KDM2A: variants seen among roughly 807,000 people sequenced by gnomAD.
KDM2A encodes the protein lysine demethylase 2A.
A neutral mutation model predicts 137.3 loss-of-function variants in KDM2A; 3 were observed. That is an observed-to-expected ratio of 0.02 (90% CI 0.01 to 0.06). KDM2A has a LOEUF of 0.06. KDM2A is among the 10% of genes least tolerant of loss of function. KDM2A has a pLI of 1.00. For synonymous variants in KDM2A, 512 were observed against 541.5 expected (o/e 0.95, Z 0.76); for missense variants, 738 against 1,510.6 (o/e 0.49, Z 8.48).
At chr11:67,133,554 C>T (rs2136285734) in intron 2 of KDM2A, among the ~76,000 whole-genome samples, 1 of 152,216 alleles carries the variant, frequency 6.6e-6, no homozygotes, top group South Asian at 2.1e-4. Context: ...AGGCTCCCAC[C>T]ACCACGCCCG....
Position 67,254,272 on chromosome 11 carries a change from C to G in KDM2A, c.3161C>G (p.Ala1054Gly). The G allele has an allele frequency of 1.9e-6, 3 of 1,614,034 alleles. No individual in the cohort carries two copies. Among genetic ancestry groups the G allele is most frequent in the Non-Finnish European group, 2.5e-6 (3 of 1,179,898 alleles). The change falls in exon 20 of 21, where the codon GCC (alanine) becomes GGC (glycine). Residue 1054 changes from alanine to glycine, a missense_variant. Coordinates refer to ENST00000529006, the MANE Select transcript of KDM2A (RefSeq NM_012308.3). The surrounding 1 kb of genome is among the most constrained non-coding windows in gnomAD (Gnocchi z 4.7). The part of the protein sequence containing the change: ...FRLAGLDITD[A>G]TLRLIIRHMP... ...CTGGCAGGCCTTGACATCACAGATG[C>G]CACGCTTCGCCTCATAATTCGCCAC...
intron 2 of KDM2A, among the ~76,000 whole-genome samples, chr11:67,141,427 G>A (rs1375502340): frequency 6.6e-6 from 1 of 151,726 alleles, no homozygotes; most frequent in East Asian, 1.9e-4. Context: ...AGCACTTTGG[G>A]AGGCCAAGGC....
intron 2 of KDM2A, among the ~76,000 whole-genome samples, chr11:67,164,595 G>A (rs1236445026): frequency 1.3e-5 from 2 of 151,682 alleles, no homozygotes; most frequent in African/African-American, 2.4e-5. Flanking sequence ...AGGATTACAG[G>A]CATGAGCCAT....
chr11:67,175,482 C>A (rs1856956783), intron 2 of KDM2A, among the ~76,000 whole-genome samples: 1 of 152,174 alleles, frequency 6.6e-6, no homozygotes, highest in Admixed American at 6.5e-5. Flanking sequence ...TGCCAACTTT[C>A]CAGTTGCAAT....
intron 2 of KDM2A, among the ~76,000 whole-genome samples, chr11:67,153,577 G>A (rs1266209254): frequency 2.0e-5 from 3 of 152,104 alleles, no homozygotes; most frequent in Non-Finnish European, 4.4e-5. Context: ...GTGGTGCAGG[G>A]TCTCATGTTC....
In KDM2A at chr11:67,195,915, T is replaced by G. The variant is rs1008072655; in HGVS notation, c.308-11595T>G. On this transcript the variant is annotated intron_variant, in intron 5 of 20. Transcript: ENST00000529006. ...CAATAGGCTCCAATAAGGAATAATT[T>G]TTCTACCACTTACAGCAACTTTCTT... 5.8e-5 allele frequency: 23 copies of G among 397,060 alleles called. No individual in the cohort carries two copies. The Admixed American group carries it at 6.9e-4, about 12-fold the overall frequency. 24.6% of individuals were successfully genotyped at this position (397,060 alleles called of 1,614,324 possible).
At chr11:67,189,407 G>A (rs1266883342) in intron 5 of KDM2A, among the ~76,000 whole-genome samples, 3 of 152,334 alleles carry the variant, frequency 2.0e-5, no homozygotes, top group Admixed American at 1.3e-4. Flanking sequence ...GGAGAAATTT[G>A]TAGCTATAAA....
In KDM2A at chr11:67,225,125, G is replaced by A. The variant is rs1344540545; in HGVS notation, c.958-2912G>A. ...TTACAGGTGTGAGCCATCACGCCCG[G>A]CGGCTGCAGCATTTACCCCAAGATA... is the stretch of plus-strand genomic sequence containing the variant. On this transcript the variant is annotated intron_variant, in intron 10 of 20. Coordinates refer to ENST00000529006, the MANE Select transcript of KDM2A (RefSeq NM_012308.3). 2.0e-5 allele frequency among the ~76,000 whole-genome samples: 3 copies of A among 152,012 alleles called. No homozygotes were observed. In the East Asian group the frequency reaches 5.8e-4, roughly 29 times the overall value.
At chr11:67,223,607 A>G (rs1858440056) in intron 10 of KDM2A, among the ~76,000 whole-genome samples, 1 of 151,896 alleles carries the variant, frequency 6.6e-6, no homozygotes, top group African/African-American at 2.4e-5. Flanking sequence ...ACGAGGTTTT[A>G]CTATGCTGCC....
At position 67,161,203 on chromosome 11, in the gene KDM2A, A is replaced by T. The variant is rs187839124; in HGVS notation, c.43-18876A>T. On this transcript the variant is annotated intron_variant, in intron 2 of 20. Transcript: ENST00000529006. ...CAGTGTGATCCTGTCTCTATTAAAA[A>T]TTTTTTTAAATTGAAACCAAAAACA... Among the ~76,000 whole-genome samples, 248 of 152,320 alleles carry T rather than the reference A, an allele frequency of 1.6e-3. 1 individual carries two copies. The highest frequency in any genetic ancestry group is 5.4e-3 in the African/African-American group (225 of 41,582).
At position 67,250,332 on chromosome 11, in the gene KDM2A, A is replaced by G. The variant is rs770515720; in HGVS notation, c.2302A>G (p.Thr768Ala). The stretch of plus-strand genomic sequence containing the variant: ...GCGGCAGTTGCTGCGGCTGCAGGCC[A>G]CAGAGCGCACCATGGTACGGGAAAA... ...KRRQLLRLQA[T>A]ERTMVREKEN... Residue 768 changes from threonine to alanine, a missense_variant, in exon 17 of 21, where the codon ACA becomes GCA. Thr to Ala is a moderately conservative substitution (Grantham distance 58, BLOSUM62 0). Coordinates refer to ENST00000529006, the MANE Select transcript of KDM2A (RefSeq NM_012308.3). This position sits in a 1 kb window ranked among gnomAD's most constrained non-coding sequence, Gnocchi z 7.1. 1 of 1,613,962 alleles carries G rather than the reference A, an allele frequency of 6.2e-7. No homozygotes were observed. The highest frequency in any genetic ancestry group is 2.2e-5 in the East Asian group (1 of 44,882).
intron 5 of KDM2A, chr11:67,197,175 CTT>C (rs11290221): frequency 0.043 from 5,930 of 137,258 alleles, 179 homozygotes; most frequent in African/African-American, 0.097. Flanking sequence ...CAGAAATAAA[CTT>C]TTTTTTTTTT....
intron 17 of KDM2A, 24 bp from the exon 18 acceptor site, chr11:67,252,670 G>A (rs990518332): frequency 6.3e-5 from 101 of 1,613,476 alleles, no homozygotes; most frequent in Non-Finnish European, 8.1e-5. Context: ...TAATGAAGGC[G>A]AGTTCTCTTC....
chr11:67,146,710 G>A (rs1194293978), intron 2 of KDM2A, among the ~76,000 whole-genome samples: 3 of 151,990 alleles, frequency 2.0e-5, no homozygotes, highest in Non-Finnish European at 4.4e-5. Flanking sequence ...GGGTTTTGAT[G>A]TGTTGCCCAG....
chr11:67,187,478 G>A (rs1397795604), intron 5 of KDM2A, among the ~76,000 whole-genome samples: 2 of 152,086 alleles, frequency 1.3e-5, no homozygotes, highest in Admixed American at 1.3e-4. Flanking sequence ...CATGCAAACA[G>A]TAACCAAAAG....
At chr11:67,167,730 A>G (rs1376668975) in intron 2 of KDM2A, among the ~76,000 whole-genome samples, 4 of 152,134 alleles carry the variant, frequency 2.6e-5, no homozygotes, top group Non-Finnish European at 5.9e-5. Flanking sequence ...ATTGTGATCT[A>G]ACATTTTTCA....
chr11:67,227,630 C>A (rs1056338292), intron 10 of KDM2A, among the ~76,000 whole-genome samples: 1 of 151,988 alleles, frequency 6.6e-6, no homozygotes. Flanking sequence ...AGTGCAGAGG[C>A]GTGATCTCAG....
At chr11:67,168,582 TACACACACACACACAC>T (rs71056179) in intron 2 of KDM2A, among the ~76,000 whole-genome samples, 8 of 34,002 alleles carry the variant, frequency 2.4e-4, no homozygotes, top group African/African-American at 9.3e-4. Context: ...GTATGAATTA[TACACACACACACACAC>T]ACACACACAC....
At chr11:67,166,790 T>G (rs1856757326) in intron 2 of KDM2A, among the ~76,000 whole-genome samples, 1 of 152,152 alleles carries the variant, frequency 6.6e-6, no homozygotes, top group Non-Finnish European at 1.5e-5. Flanking sequence ...AAAACTCCTG[T>G]GCTGGGCTGA....
Sources: gnomAD v4.1 joint callset for allele counts (sites outside exome capture counted in the v4.1 genomes callset) on GRCh38, gnomAD v4.1.1 for gene constraint, Gnocchi (gnomAD v3.1) non-coding constraint, MANE v1.5 for transcripts, NCBI Gene and HGNC (gene_info 2026-07-23, HGNC 2026-07-21) for gene names.